PTGES3L: variants seen among roughly 807,000 people sequenced by gnomAD.
PTGES3L encodes the protein putative protein PTGES3L.
In PTGES3L, 17 loss-of-function variants were observed where a neutral mutation model predicts 25.0. That is an observed-to-expected ratio of 0.68 (90% CI 0.47 to 1.02). PTGES3L has a LOEUF of 1.02. PTGES3L is among the 50% of genes least tolerant of loss of function. The pLI is 0.00. For synonymous variants in PTGES3L, 59 were observed against 65.7 expected (o/e 0.90, Z 0.50); for missense variants, 202 against 197.5 (o/e 1.02, Z -0.14).
intron 4 of PTGES3L, chr17:42,972,115 G>A: frequency 5.6e-6 from 1 of 178,410 alleles, no homozygotes; most frequent in Non-Finnish European, 1.2e-5. Flanking sequence ...TTGAGCCTGG[G>A]AGGCGGAGGT....
chr17:42,977,173 C>T (rs1199449702), intron 4 of PTGES3L, among the ~76,000 whole-genome samples: 1 of 152,088 alleles, frequency 6.6e-6, no homozygotes, highest in Non-Finnish European at 1.5e-5. Context: ...CACCTGTAAT[C>T]CCAGCACTTT....
In PTGES3L at chr17:42,971,284, C is replaced by CCA. The variant is rs56818030; in HGVS notation, c.378+321_378+322dup. Among the ~76,000 whole-genome samples the CCA allele has an allele frequency of 5.6e-3, 829 of 148,630 alleles. 5 individuals are homozygous for CCA. The highest frequency in any genetic ancestry group is 0.017 in the African/African-American group (679 of 40,658). On this transcript the variant is annotated intron_variant, in intron 5 of 6. Transcript: ENST00000591916. ...GCACTCCAGCCTAGGCGACAGAAAA[C>CCA]CACACACACACACACACACACAGAA...
Position 42,968,350 on chromosome 17 carries a change from G to A in PTGES3L, c.*798C>T, listed in dbSNP as rs902972205. 1 of 152,054 alleles carries A rather than the reference G, an allele frequency of 6.6e-6. No homozygotes were observed. Among genetic ancestry groups the A allele is most frequent in the African/African-American group, 2.4e-5 (1 of 41,406 alleles). The allele number at this position is 152,054 out of a possible 1,614,324, so 9.4% of individuals were successfully genotyped here. A position where few individuals can be genotyped will look rare whatever the true frequency, so the allele number is the denominator to read the frequency against. On this transcript the variant is annotated 3_prime_UTR_variant, in exon 7 of 7. Coordinates refer to ENST00000591916, the MANE Select transcript of PTGES3L (RefSeq NM_001261430.2). ...GTTCGAGACCAGCCTGGCCAACATG[G>A]TGAAACCCCATCTCTGCTAAAAATA...
In PTGES3L at chr17:42,968,898, A is replaced by C; in HGVS notation, c.*250T>G. 2 of 459,462 alleles carry C rather than the reference A, an allele frequency of 4.4e-6. No homozygotes were observed. The allele number at this position is 459,462 out of a possible 1,614,324, so 28.5% of individuals were successfully genotyped here. ...GCCTAAACACAGAGATTAGAAACCA[A>C]TCAGTAAGAAATCAGAAGCCCTACC... On this transcript the variant is annotated 3_prime_UTR_variant, in exon 7 of 7. Transcript: ENST00000591916.
intron 1 of PTGES3L, 50 bp downstream of exon 1, chr17:42,979,995 GA>G: frequency 2.0e-6 from 3 of 1,519,616 alleles, no homozygotes; most frequent in Non-Finnish European, 2.6e-6. Context: ...TTGGAGCAGG[GA>G]ATCTCCAGGG....
At chr17:42,971,201 G>A (rs1380644382) in intron 5 of PTGES3L, among the ~76,000 whole-genome samples, 1 of 151,866 alleles carries the variant, frequency 6.6e-6, no homozygotes, top group Non-Finnish European at 1.5e-5. Context: ...TCAGGAGGAT[G>A]AGACAAAATT....
At chr17:42,972,538 G>C (rs1208350523) in intron 4 of PTGES3L, among the ~76,000 whole-genome samples, 1 of 152,160 alleles carries the variant, frequency 6.6e-6, no homozygotes, top group Admixed American at 6.5e-5. Context: ...TGGCTGGGCC[G>C]GTCTCCAGCC....
At chr17:42,976,572 G>A (rs1022205636) in intron 4 of PTGES3L, among the ~76,000 whole-genome samples, 3 of 151,968 alleles carry the variant, frequency 2.0e-5, no homozygotes, top group East Asian at 1.9e-4. Context: ...TAGAGACGGC[G>A]TTTCACTATG....
At chr17:42,978,270 G>C (rs903777462) in intron 4 of PTGES3L, among the ~76,000 whole-genome samples, 2 of 151,890 alleles carry the variant, frequency 1.3e-5, no homozygotes, top group African/African-American at 2.4e-5. Flanking sequence ...AGCCAGGCGT[G>C]GGGGCACAAG....
intron 5 of PTGES3L, among the ~76,000 whole-genome samples, chr17:42,970,676 G>GCGCGCACA (rs1490786473): frequency 8.9e-4 from 128 of 144,188 alleles, no homozygotes; most frequent in African/African-American, 2.5e-3. Flanking sequence ...CTTAACACGC[G>GCGCGCACA]CACACACACA....
intron 4 of PTGES3L, among the ~76,000 whole-genome samples, chr17:42,972,850 C>T (rs546342355): frequency 2.7e-5 from 4 of 149,538 alleles, no homozygotes; most frequent in East Asian, 4.0e-4. Flanking sequence ...CGTCTCCGCC[C>T]GGCCGCCATC....
chr17:42,971,032 C>T (rs770759433), intron 5 of PTGES3L, among the ~76,000 whole-genome samples: 1 of 151,400 alleles, frequency 6.6e-6, no homozygotes, highest in African/African-American at 2.4e-5. Flanking sequence ...GGCATGGTGA[C>T]TTACGCCTGT....
At position 42,976,239 on chromosome 17, in the gene PTGES3L, C is replaced by A. The variant is rs373691255; in HGVS notation, c.288+2931G>T. ...CCTAAATCAATCCATCCACCTCAGC[C>A]TCCCAAAGTGCTGGGATTGTGAGCC... On this transcript the variant is annotated intron_variant, in intron 4 of 6. Transcript: ENST00000591916. 7.9e-5 allele frequency among the ~76,000 whole-genome samples: 12 copies of A among 152,282 alleles called. No homozygotes were observed. In the East Asian group the frequency reaches 1.9e-3, roughly 24 times the overall value.
At chr17:42,979,993 G>A in intron 1 of PTGES3L, 53 bp downstream of exon 1, 1 of 1,518,144 alleles carries the variant, frequency 6.6e-7, no homozygotes. Flanking sequence ...ACTTGGAGCA[G>A]GGAATCTCCA....
rs947669983 is a variant in PTGES3L, at chr17:42,969,062, A to G, written c.*86T>C. ...CTCAGAAGAACTTGGTGCACAGCCA[A>G]AGCGCTGACAAAGGCCTAGGCGCTA... On this transcript the variant is annotated 3_prime_UTR_variant, in exon 7 of 7. Coordinates refer to ENST00000591916, the MANE Select transcript of PTGES3L (RefSeq NM_001261430.2). The G allele has an allele frequency of 1.0e-6, 1 of 998,776 alleles. No homozygotes were observed. The highest frequency in any genetic ancestry group is 1.5e-6 in the Non-Finnish European group (1 of 651,028). 61.9% of individuals were successfully genotyped at this position (998,776 alleles called of 1,614,324 possible).
intron 4 of PTGES3L, among the ~76,000 whole-genome samples, chr17:42,977,509 AAGG>A (rs1367112395): frequency 6.6e-6 from 1 of 151,010 alleles, no homozygotes; most frequent in East Asian, 1.9e-4. Flanking sequence ...GAGGCTGATG[AAGG>A]AGAATCGCTT....
intron 4 of PTGES3L, among the ~76,000 whole-genome samples, chr17:42,976,185 T>C (rs954107832): frequency 8.0e-5 from 12 of 150,930 alleles, no homozygotes; most frequent in African/African-American, 2.9e-4. Flanking sequence ...GGTTTTGCCA[T>C]GTTGGCCAGG....
intron 4 of PTGES3L, among the ~76,000 whole-genome samples, chr17:42,975,831 C>T (rs190850835): frequency 9.9e-5 from 15 of 151,710 alleles, no homozygotes; most frequent in African/African-American, 3.4e-4. Context: ...CACGTGCTAC[C>T]GCGCTCTGCT....
intron 5 of PTGES3L, 121 bp downstream of exon 5, chr17:42,971,486 A>G: frequency 1.0e-6 from 1 of 985,394 alleles, no homozygotes; most frequent in Admixed American, 2.3e-5. Context: ...ATCAATGAGT[A>G]ACCTGCCTAG....
Sources: gnomAD v4.1 joint callset for allele counts (sites outside exome capture counted in the v4.1 genomes callset) on GRCh38, gnomAD v4.1.1 for gene constraint, MANE v1.5 for transcripts, NCBI Gene and HGNC (gene_info 2026-07-23, HGNC 2026-07-21) for gene names.